Variants in PDLIM7 observed in about 807,000 individuals in gnomAD.
PDLIM7 encodes the protein PDZ and LIM domain protein 7.
PDLIM7 carries 37 observed loss-of-function variants against 53.9 expected under a neutral mutation model. The ratio of observed to expected loss-of-function variants is 0.69; its 90% CI spans 0.53 to 0.90. The LOEUF is 0.90. Ranked by LOEUF, PDLIM7 falls within the 40% of genes least tolerant of loss-of-function variation. The pLI, the probability that PDLIM7 is intolerant of heterozygous loss-of-function variation, is 0.00. For synonymous variants in PDLIM7, 300 were observed against 261.3 expected (o/e 1.15, Z -1.43); for missense variants, 617 against 638.5 (o/e 0.97, Z 0.36).
chr5:177,483,763 TG>T (rs757429611), intron 12 of PDLIM7, 33 bp from the exon 13 acceptor site: 1 of 1,590,390 alleles, frequency 6.3e-7, no homozygotes, highest in Non-Finnish European at 8.6e-7. Flanking sequence ...CACATGGGGT[TG>T]GGGGCAGCAG....
In PDLIM7 at chr5:177,484,122, G is replaced by A. The variant is rs1316926792; in HGVS notation, c.1119C>T (p.Pro373=). ...CCATGTAGAAGGCCCTGTTCCGGAT[G>A]GGCGTCTTGCAGGCAGCACAGGTAA... ...HCFTCAACKT[P]IRNRAFYMEE... The change falls in exon 11 of 13, where the codon CCC becomes CCT. Residue 373 remains proline, a synonymous_variant. Transcript: ENST00000355841. 1 of 1,614,006 alleles carries A rather than the reference G, an allele frequency of 6.2e-7. No individual in the cohort carries two copies. Among genetic ancestry groups the A allele is most frequent in the East Asian group, 2.2e-5 (1 of 44,882 alleles).
Position 177,489,544 on chromosome 5 carries a change from T to A in PDLIM7, c.718A>T (p.Ser240Cys), listed in dbSNP as rs775368978. 1.9e-6 allele frequency: 3 copies of A among 1,610,554 alleles called. No homozygotes were observed. Among genetic ancestry groups the A allele is most frequent in the African/African-American group, 1.3e-5 (1 of 74,914 alleles). Residue 240 changes from serine to cysteine, a missense_variant, in exon 9 of 13, where the codon AGC (serine) becomes TGC (cysteine). Transcript: ENST00000355841. ...FAERYAPDKT[S>C]TVLTRHSQPA... ...TGGCTGTGCCGGGTCAGCACTGTGC[T>A]CGTTTTGTCCGGGGCATAGCGCTCG...
rs560759751 is a variant in PDLIM7 at position 177,495,433 on chromosome 5, C to T, written c.96+984G>A. Among the ~76,000 whole-genome samples, 31 of 152,280 alleles carry T rather than the reference C, an allele frequency of 2.0e-4. No homozygotes were observed. The East Asian group carries it at 2.1e-3, about 10-fold the overall frequency. On this transcript the variant is annotated intron_variant, in intron 2 of 12. Transcript: ENST00000355841. ...GCCTGGGTGGGTCTCTTGGGGCAGGCGGATATAGGGGCAGGAAGTCCCCAC... is the reference window on the plus strand; with the variant it reads ...GCCTGGGTGGGTCTCTTGGGGCAGGTGGATATAGGGGCAGGAAGTCCCCAC...
At position 177,490,926 on chromosome 5, in the gene PDLIM7, C is replaced by T. The variant is rs1758737769; in HGVS notation, c.536-20G>A. Reference sequence around the variant, plus strand: ...CTTGCACTGAGAGGGCAGAGGCAGGCATTGACCAAAAAAGACACAGGGTCA... The same window carrying T: ...CTTGCACTGAGAGGGCAGAGGCAGGTATTGACCAAAAAAGACACAGGGTCA... On this transcript the variant is annotated intron_variant, in intron 6 of 12. Transcript: ENST00000355841. 1 of 1,614,064 alleles carries T rather than the reference C, an allele frequency of 6.2e-7. No homozygotes were observed. Among genetic ancestry groups the T allele is most frequent in the Non-Finnish European group, 8.5e-7 (1 of 1,179,958 alleles).
rs932146712 is a variant in PDLIM7 at position 177,489,479 on chromosome 5, A to C, written c.783T>G (p.Ile261Met). The change falls in exon 9 of 13, where the codon ATT (isoleucine) becomes ATG (methionine). Residue 261 changes from isoleucine (I) to methionine (M), a missense_variant. Ile to Met is a conservative substitution (Grantham distance 10, BLOSUM62 1). Coordinates refer to ENST00000355841, the MANE Select transcript of PDLIM7 (RefSeq NM_005451.5). The part of the protein sequence containing the change: ...TPTPLQSRTS[I>M]VQAAAGGVPG... The stretch of plus-strand genomic sequence containing the variant: ...GCACCCCTCCGGCAGCTGCCTGCAC[A>C]ATGGAGGTGCGGCTCTGCAGCGGCG... 1 of 1,606,992 alleles carries C rather than the reference A, an allele frequency of 6.2e-7. No homozygotes were observed. Among genetic ancestry groups the C allele is most frequent in the Non-Finnish European group, 8.5e-7 (1 of 1,177,648 alleles).
Position 177,489,568 on chromosome 5 carries a change from C to T in PDLIM7, c.694G>A (p.Glu232Lys), listed in dbSNP as rs747995602. 8.7e-6 allele frequency: 14 copies of T among 1,610,444 alleles called. No individual in the cohort carries two copies. In the East Asian group the frequency reaches 8.9e-5, roughly 10 times the overall value. ...PPWAVDPAFAERYAPDKTSTV... is the reference protein window; with the variant it reads ...PPWAVDPAFAKRYAPDKTSTV... ...CTCGTTTTGTCCGGGGCATAGCGCTCGGCAAACGCAGGGTCCACAGCCCAG... is the reference window on the plus strand; with the variant it reads ...CTCGTTTTGTCCGGGGCATAGCGCTTGGCAAACGCAGGGTCCACAGCCCAG... Residue 232 changes from glutamate to lysine, a missense_variant, in exon 9 of 13, where the codon GAG becomes AAG. By Grantham distance (56) the Glu-to-Lys change is moderately conservative. Transcript: ENST00000355841.
At position 177,484,141 on chromosome 5, in the gene PDLIM7, C is replaced by T; in HGVS notation, c.1100G>A (p.Cys367Tyr). The T allele has an allele frequency of 6.2e-7, 1 of 1,613,960 alleles. No individual in the cohort carries two copies. The highest frequency in any genetic ancestry group is 1.6e-4 in the Middle Eastern group (1 of 6,062). ...CCGGATGGGCGTCTTGCAGGCAGCA[C>T]AGGTAAAGCAGTGCACGTGCCAGGT... ...KMTWHVHCFT[C>Y]AACKTPIRNR... The change falls in exon 11 of 13, where the codon TGT becomes TAT. Residue 367 changes from cysteine to tyrosine, a missense_variant. Cys to Tyr is a radical substitution (Grantham distance 194, BLOSUM62 -2). Coordinates refer to ENST00000355841, the MANE Select transcript of PDLIM7 (RefSeq NM_005451.5).
chr5:177,490,219 A>T, intron 7 of PDLIM7: 1 of 1,448,098 alleles, frequency 6.9e-7, no homozygotes, highest in Non-Finnish European at 9.1e-7. Flanking sequence ...AACCAGGTCC[A>T]CAAAGATAGA....
At chr5:177,491,308 G>A in intron 5 of PDLIM7, 162 bp from the exon 6 acceptor site, 3 of 1,471,278 alleles carry the variant, frequency 2.0e-6, no homozygotes, top group Non-Finnish European at 2.8e-6. Context: ...GGACAGGAGG[G>A]CGAAGTGGAG....
intron 1 of PDLIM7, chr5:177,496,834 A>G (rs1420168774): frequency 5.1e-6 from 1 of 194,912 alleles, no homozygotes; most frequent in East Asian, 1.2e-4. Context: ...GCCTCCCCCC[A>G]AGCCAGCCTG....
At chr5:177,491,691 C>T (rs1758792939) in intron 5 of PDLIM7, 116 bp downstream of exon 5, 1 of 679,198 alleles carries the variant, frequency 1.5e-6, no homozygotes, top group Non-Finnish European at 2.3e-6. Flanking sequence ...CCAGGGGGCG[C>T]TGCCGCACGG....
chr5:177,483,825 G>A, intron 12 of PDLIM7, 42 bp downstream of exon 12: 1 of 1,596,436 alleles, frequency 6.3e-7, no homozygotes, highest in Non-Finnish European at 8.6e-7. Flanking sequence ...TGAACAGAGG[G>A]CCGGTGGGCT....
Position 177,491,869 on chromosome 5 carries a change from G to T in PDLIM7, c.336C>A (p.Leu112=), listed in dbSNP as rs758392810. ...CCCCAAAGGGCCGGGCCGTCTTGTTGAGGGAGACGCTGGGTGCAAAGGTGT... is the reference window on the plus strand; with the variant it reads ...CCCCAAAGGGCCGGGCCGTCTTGTTTAGGGAGACGCTGGGTGCAAAGGTGT... ...PRYTFAPSVS[L]NKTARPFGAP... Residue 112 remains leucine (L), a synonymous_variant, in exon 5 of 13, where the codon CTC becomes CTA. Coordinates refer to ENST00000355841, the MANE Select transcript of PDLIM7 (RefSeq NM_005451.5). 8.6e-6 allele frequency: 11 copies of T among 1,274,860 alleles called. No individual in the cohort carries two copies. In the African/African-American group the frequency reaches 1.4e-4, roughly 16 times the overall value. The allele number at this position is 1,274,860 out of a possible 1,614,324, so 79.0% of individuals were successfully genotyped here. A position where few individuals can be genotyped will look rare whatever the true frequency, so the allele number is the denominator to read the frequency against.
At position 177,489,478 on chromosome 5, in the gene PDLIM7, C is replaced by G; in HGVS notation, c.784G>C (p.Val262Leu). ...PTPLQSRTSI[V>L]QAAAGGVPGG... The stretch of plus-strand genomic sequence containing the variant: ...GGCACCCCTCCGGCAGCTGCCTGCA[C>G]AATGGAGGTGCGGCTCTGCAGCGGC... The change falls in exon 9 of 13, where the codon GTG becomes CTG. Residue 262 changes from valine to leucine, a missense_variant. Transcript: ENST00000355841. 2 of 1,606,954 alleles carry G rather than the reference C, an allele frequency of 1.2e-6. No individual in the cohort carries two copies. Among genetic ancestry groups the G allele is most frequent in the Non-Finnish European group, 1.7e-6 (2 of 1,177,550 alleles).
rs1376088602 is a variant in PDLIM7, at chr5:177,489,583, C to T, written c.679G>A (p.Asp227Asn). The T allele has an allele frequency of 6.2e-7, 1 of 1,609,422 alleles. No individual in the cohort carries two copies. The highest frequency in any genetic ancestry group is 2.2e-5 in the East Asian group (1 of 44,810). The change falls in exon 9 of 13, where the codon GAC becomes AAC. Residue 227 changes from aspartate to asparagine, a missense_variant. Physicochemically the swap from Asp to Asn is conservative, Grantham distance 23. Coordinates refer to ENST00000355841, the MANE Select transcript of PDLIM7 (RefSeq NM_005451.5). ...GCATAGCGCTCGGCAAACGCAGGGT[C>T]CACAGCCCAGGGCGGGCGGCTGGTA... Reference protein sequence around the residue: ...SPTSRPPWAVDPAFAERYAPD... With the variant: ...SPTSRPPWAVNPAFAERYAPD...
At position 177,489,427 on chromosome 5, in the gene PDLIM7, T is replaced by G. The variant is rs150793893; in HGVS notation, c.835A>C (p.Thr279Pro). ...VPGGGSNNGK[T>P]PVCHQCHKVI... ...TTGTGGCACTGGTGACACACGGGAG[T>G]CTTGCCGTTGTTGCTGCCCCCTCCT... The change falls in exon 9 of 13, where the codon ACT becomes CCT. Residue 279 changes from threonine (T) to proline (P), a missense_variant. Coordinates refer to ENST00000355841, the MANE Select transcript of PDLIM7 (RefSeq NM_005451.5). 553 of 1,599,086 alleles carry G rather than the reference T, an allele frequency of 3.5e-4. 2 individuals carry two copies. In the African/African-American group the frequency reaches 6.7e-3, roughly 19 times the overall value.
intron 2 of PDLIM7, among the ~76,000 whole-genome samples, chr5:177,495,496 G>A (rs1260363486): frequency 3.9e-5 from 6 of 152,178 alleles, no homozygotes; most frequent in African/African-American, 7.2e-5. Context: ...GATGCCAGCC[G>A]ACAGGCTGGC....
In PDLIM7 at chr5:177,489,511, T is replaced by A; in HGVS notation, c.751A>T (p.Thr251Ser). The A allele has an allele frequency of 6.2e-7, 1 of 1,608,800 alleles. No individual in the cohort carries two copies. Among genetic ancestry groups the A allele is most frequent in the African/African-American group, 1.3e-5 (1 of 75,006 alleles). The change falls in exon 9 of 13, where the codon ACG (threonine) becomes TCG (serine). Residue 251 changes from threonine to serine, a missense_variant. Thr to Ser is a moderately conservative substitution (Grantham distance 58). Transcript: ENST00000355841. ...TVLTRHSQPA[T>S]PTPLQSRTSI... ...GTGCGGCTCTGCAGCGGCGTGGGCG[T>A]GGCCGGCTGGCTGTGCCGGGTCAGC...
rs1042261748 is a variant in PDLIM7 at position 177,490,657 on chromosome 5, G to A, written c.572+213C>T. On this transcript the variant is annotated intron_variant, in intron 7 of 12. Coordinates refer to ENST00000355841, the MANE Select transcript of PDLIM7 (RefSeq NM_005451.5). Reference sequence around the variant, plus strand: ...AGGAGAGATGGAAGGGAGGCAGGGAGGGAGGAGGGAAGGAAGGAGGGAGGG... The same window carrying A: ...AGGAGAGATGGAAGGGAGGCAGGGAAGGAGGAGGGAAGGAAGGAGGGAGGG... 6 of 1,151,722 alleles carry A rather than the reference G, an allele frequency of 5.2e-6. 1 individual carries two copies. Among genetic ancestry groups the A allele is most frequent in the African/African-American group, 3.1e-5 (2 of 65,228 alleles). 71.3% of individuals were successfully genotyped at this position (1,151,722 alleles called of 1,614,324 possible). A position where few individuals can be genotyped will look rare whatever the true frequency, so the allele number is the denominator to read the frequency against.
Sources: allele counts gnomAD v4.1 joint callset (sites outside exome capture counted in the v4.1 genomes callset), GRCh38; gene constraint gnomAD v4.1.1; transcripts MANE v1.5; gene names NCBI Gene and HGNC (gene_info 2026-07-23, HGNC 2026-07-21).